The following LRRC20 variants were observed in gnomAD, a reference collection of about 807,000 sequenced individuals.
The protein encoded by LRRC20 is leucine rich repeat containing 20.
A neutral mutation model predicts 14.4 loss-of-function variants in LRRC20; 11 were observed. The ratio of observed to expected loss-of-function variants is 0.77; its 90% CI spans 0.48 to 1.27. LRRC20 has a LOEUF of 1.27. LRRC20 is among the 50% of genes most tolerant of loss of function. LRRC20 has a pLI of 0.00. For missense variants in LRRC20, 219 were observed against 251.2 expected, an observed-to-expected ratio of 0.87 and a Z score of 0.87; for synonymous variants, 121 against 107.3, an observed-to-expected ratio of 1.13 and a Z score of -0.79.
intron 2 of LRRC20, among the ~76,000 whole-genome samples, chr10:70,342,020 G>A (rs61856826): frequency 0.14 from 20,835 of 151,590 alleles, 1,506 homozygotes; most frequent in South Asian, 0.19. Flanking sequence ...AAGATTGGGC[G>A]GGGCGCAGTG....
chr10:70,350,991 T>C (rs930043865), intron 2 of LRRC20, among the ~76,000 whole-genome samples: 3 of 152,152 alleles, frequency 2.0e-5, no homozygotes, highest in African/African-American at 7.2e-5. Context: ...GAGACCAGCC[T>C]GGGCAACACA....
chr10:70,306,650 T>A (rs1367821776), intron 4 of LRRC20, among the ~76,000 whole-genome samples: 2 of 152,214 alleles, frequency 1.3e-5, no homozygotes, highest in African/African-American at 4.8e-5. Context: ...CTCCACTATA[T>A]AATTACTATT....
chr10:70,371,199 C>T (rs1393202621), intron 2 of LRRC20, among the ~76,000 whole-genome samples: 2 of 151,704 alleles, frequency 1.3e-5, no homozygotes, highest in Non-Finnish European at 2.9e-5. Context: ...TGCAGTGGCC[C>T]GATCATGGCT....
At chr10:70,376,179 A>C (rs1844501288) in intron 2 of LRRC20, among the ~76,000 whole-genome samples, 1 of 152,060 alleles carries the variant, frequency 6.6e-6, no homozygotes, top group Non-Finnish European at 1.5e-5. Context: ...CTGTATTTTC[A>C]CCTGGTCCAA....
At chr10:70,372,947 A>G (rs1414427948) in intron 2 of LRRC20, among the ~76,000 whole-genome samples, 1 of 151,780 alleles carries the variant, frequency 6.6e-6, no homozygotes, top group Non-Finnish European at 1.5e-5. Context: ...TACTAAAAAA[A>G]AAAAAAAAAT....
chr10:70,355,192 T>C (rs1402644106), intron 2 of LRRC20, among the ~76,000 whole-genome samples: 1 of 152,156 alleles, frequency 6.6e-6, no homozygotes, highest in East Asian at 1.9e-4. Context: ...GATCGTGCCG[T>C]GCATCACTGG....
intron 2 of LRRC20, among the ~76,000 whole-genome samples, chr10:70,359,917 T>TCC (rs1252192397): frequency 6.6e-6 from 1 of 151,310 alleles, no homozygotes; most frequent in Non-Finnish European, 1.5e-5. Context: ...TTTTTTCTTT[T>TCC]TCTTTTTTTT....
At chr10:70,347,246 C>T (rs1843106961) in intron 2 of LRRC20, among the ~76,000 whole-genome samples, 1 of 152,142 alleles carries the variant, frequency 6.6e-6, no homozygotes, top group South Asian at 2.1e-4. Flanking sequence ...TAGGGAAAAG[C>T]AGATCCAAGA....
At chr10:70,304,275 G>A (rs535391917) in intron 4 of LRRC20, among the ~76,000 whole-genome samples, 7 of 152,046 alleles carry the variant, frequency 4.6e-5, no homozygotes, top group East Asian at 1.9e-4. Flanking sequence ...CATGCAGTCC[G>A]ACACAACCTC....
chr10:70,323,819 G>A (rs189547601), intron 4 of LRRC20, 44 bp downstream of exon 4: 52 of 1,606,932 alleles, frequency 3.2e-5, no homozygotes, highest in African/African-American at 1.6e-4. Flanking sequence ...GCCCATGAGC[G>A]CCTCGTGCAG....
At chr10:70,348,461 A>G (rs12412698) in intron 2 of LRRC20, among the ~76,000 whole-genome samples, 22,873 of 152,212 alleles carry the variant, frequency 0.15, 1,772 homozygotes, top group Middle Eastern at 0.3. Context: ...AACAACCATA[A>G]ACAACACCAC....
At chr10:70,326,565 G>A (rs1842331275) in intron 3 of LRRC20, among the ~76,000 whole-genome samples, 2 of 152,200 alleles carry the variant, frequency 1.3e-5, no homozygotes, top group Non-Finnish European at 2.9e-5. Context: ...CGGAACCCAA[G>A]GTTCCATCAA....
intron 4 of LRRC20, among the ~76,000 whole-genome samples, chr10:70,304,455 T>C (rs1210242876): frequency 2.1e-5 from 3 of 141,804 alleles, no homozygotes; most frequent in Admixed American, 7.3e-5. Context: ...GCTATATAGA[T>C]ATCAGGCCAC....
At chr10:70,376,346 G>T in intron 2 of LRRC20, 106 bp downstream of exon 2, 2 of 1,081,826 alleles carry the variant, frequency 1.8e-6, no homozygotes, top group Non-Finnish European at 2.8e-6. Context: ...CTTATTCTCA[G>T]GATGAGGTTG....
chr10:70,375,644 C>T (rs1018828031), intron 2 of LRRC20, among the ~76,000 whole-genome samples: 2 of 152,214 alleles, frequency 1.3e-5, no homozygotes, highest in African/African-American at 4.8e-5. Context: ...ATTCTGCCTG[C>T]CTATCTGCAA....
chr10:70,350,125 G>A (rs891592919), intron 2 of LRRC20, among the ~76,000 whole-genome samples: 1 of 146,254 alleles, frequency 6.8e-6, no homozygotes, highest in Non-Finnish European at 1.5e-5. Context: ...GAATCATTTA[G>A]TGCTAAATGG....
chr10:70,343,263 G>A (rs1564630618), intron 2 of LRRC20, among the ~76,000 whole-genome samples: 1 of 152,174 alleles, frequency 6.6e-6, no homozygotes, highest in Non-Finnish European at 1.5e-5. Context: ...GGACTGGGAA[G>A]ACACCCAGAG....
chr10:70,353,887 A>G (rs1003490411), intron 2 of LRRC20, among the ~76,000 whole-genome samples: 4 of 152,148 alleles, frequency 2.6e-5, no homozygotes, highest in Non-Finnish European at 5.9e-5. Flanking sequence ...ATGATTTACA[A>G]TGGGTTCCCT....
chr10:70,375,573 GACAC>G (rs1314848670), intron 2 of LRRC20, among the ~76,000 whole-genome samples: 23 of 152,226 alleles, frequency 1.5e-4, no homozygotes, highest in Non-Finnish European at 2.4e-4. Flanking sequence ...CAGACAGACA[GACAC>G]ACACACACAC....
Sources: allele counts gnomAD v4.1 joint callset (sites outside exome capture counted in the v4.1 genomes callset), GRCh38; gene constraint gnomAD v4.1.1; transcripts MANE v1.5; gene names NCBI Gene and HGNC (gene_info 2026-07-23, HGNC 2026-07-21).